Variants in EXT1 observed in about 807,000 individuals in gnomAD.
EXT1 encodes the protein exostosin glycosyltransferase 1.
In EXT1, 20 loss-of-function variants were observed where a neutral mutation model predicts 82.5. That is an observed-to-expected ratio of 0.24 (90% CI 0.17 to 0.35). The LOEUF (loss-of-function observed/expected upper bound fraction) is 0.35. EXT1 is among the 10% of genes least tolerant of loss of function. The probability of loss-of-function intolerance (pLI) is 1.00; values close to 1 mark genes in which losing one functional copy is unlikely to be tolerated. For synonymous variants in EXT1, 348 were observed against 350.8 expected (o/e 0.99, Z 0.09); for missense variants, 757 against 936.5 (o/e 0.81, Z 2.50).
chr8:117,889,551 A>C (rs768811488), intron 1 of EXT1, among the ~76,000 whole-genome samples: 1 of 152,172 alleles, frequency 6.6e-6, no homozygotes, highest in South Asian at 2.1e-4. Flanking sequence ...AGCCCAATAA[A>C]TCTTTGATGA....
rs569146417 is a variant in EXT1 at position 117,922,195 on chromosome 8, C to T, written c.963-84994G>A. The stretch of plus-strand genomic sequence containing the variant: ...CACCAGCCCTTAGAACTCACACTCC[C>T]AATTTCTAAATTCCCAAGTGTCTCC... On this transcript the variant is annotated intron_variant, in intron 1 of 10. Coordinates refer to ENST00000378204, the MANE Select transcript of EXT1 (RefSeq NM_000127.3). Among the ~76,000 whole-genome samples the T allele has an allele frequency of 2.0e-5, 3 of 152,218 alleles. No individual in the cohort carries two copies. The South Asian group carries it at 6.2e-4, about 32-fold the overall frequency.
chr8:117,874,531 G>A lies in EXT1; in HGVS notation c.963-37330C>T, dbSNP rs370703266. Among the ~76,000 whole-genome samples the A allele has an allele frequency of 1.6e-4, 21 of 134,160 alleles. No homozygotes were observed. The South Asian group carries it at 2.8e-3, about 18-fold the overall frequency. 88.0% of individuals were successfully genotyped at this position (134,160 alleles called of 152,430 possible). A position where few individuals can be genotyped will look rare whatever the true frequency, so the allele number is the denominator to read the frequency against. On this transcript the variant is annotated intron_variant, in intron 1 of 10. Transcript: ENST00000378204. ...GCGGAGGTTGCAGTGAGCTGAGATCGTGCCACTTCACTCCAGCCTAGGCAA... is the reference window on the plus strand; with the variant it reads ...GCGGAGGTTGCAGTGAGCTGAGATCATGCCACTTCACTCCAGCCTAGGCAA...
chr8:118,081,744 G>GC (rs1817334864), intron 1 of EXT1, among the ~76,000 whole-genome samples: 3 of 152,098 alleles, frequency 2.0e-5, no homozygotes, highest in Admixed American at 2.0e-4. Context: ...GCTTTTAATA[G>GC]CCCCATTTAA....
At chr8:117,896,987 G>C (rs1454830494) in intron 1 of EXT1, among the ~76,000 whole-genome samples, 2 of 152,044 alleles carry the variant, frequency 1.3e-5, no homozygotes, top group African/African-American at 4.8e-5. Context: ...CACTTGCTCA[G>C]CTTCCTCCCT....
intron 1 of EXT1, among the ~76,000 whole-genome samples, chr8:117,919,632 G>C (rs1037146091): frequency 7.9e-5 from 12 of 151,290 alleles, no homozygotes; most frequent in African/African-American, 2.9e-4. Flanking sequence ...ACCCTCCCAA[G>C]TAGCTAGGAC....
intron 1 of EXT1, among the ~76,000 whole-genome samples, chr8:117,950,818 T>C (rs775001405): frequency 2.6e-5 from 4 of 152,226 alleles, no homozygotes; most frequent in Non-Finnish European, 5.9e-5. Context: ...AACCAGGAGC[T>C]TTCTGTAACT....
intron 4 of EXT1, among the ~76,000 whole-genome samples, chr8:117,822,897 T>C (rs1172931025): frequency 1.3e-5 from 2 of 152,186 alleles, no homozygotes; most frequent in Admixed American, 1.3e-4. Flanking sequence ...AAATAGACTG[T>C]GTGGAGCAGT....
chr8:117,952,503 C>G (rs1202916631), intron 1 of EXT1, among the ~76,000 whole-genome samples: 1 of 152,182 alleles, frequency 6.6e-6, no homozygotes, highest in Non-Finnish European at 1.5e-5. Context: ...CGCAGTGTCT[C>G]ACACCTGTAA....
chr8:117,822,411 T>C, intron 5 of EXT1, 54 bp downstream of exon 5: 1 of 1,601,154 alleles, frequency 6.2e-7, no homozygotes, highest in East Asian at 2.2e-5. Flanking sequence ...CCTTTAGTTC[T>C]GTATGACATC....
intron 1 of EXT1, among the ~76,000 whole-genome samples, chr8:117,861,488 C>CTTTTTTTTTTTTTTTTTTTTTTTTTTT (rs755653091): frequency 1.2e-5 from 1 of 86,824 alleles, no homozygotes; most frequent in African/African-American, 4.3e-5. Context: ...AAGTTTTTAT[C>CTTTTTTTTTTTTTTTTTTTTTTTTTTT]TTTTTTTTTT....
chr8:117,980,192 C>T (rs1405268766), intron 1 of EXT1, among the ~76,000 whole-genome samples: 3 of 152,134 alleles, frequency 2.0e-5, no homozygotes, highest in East Asian at 3.9e-4. Context: ...ATGCCCATTC[C>T]CATTTTGCCT....
chr8:117,909,510 A>G (rs896421751), intron 1 of EXT1, among the ~76,000 whole-genome samples: 1 of 152,194 alleles, frequency 6.6e-6, no homozygotes, highest in South Asian at 2.1e-4. Flanking sequence ...AATTCAAAAA[A>G]TATGTATTTT....
intron 1 of EXT1, among the ~76,000 whole-genome samples, chr8:117,952,211 C>T (rs1003537989): frequency 9.2e-5 from 14 of 152,208 alleles, no homozygotes; most frequent in African/African-American, 3.4e-4. Flanking sequence ...CACATCACCA[C>T]ATTCTGTCTT....
At chr8:117,811,173 G>C (rs1262498520) in intron 8 of EXT1, among the ~76,000 whole-genome samples, 1 of 152,120 alleles carries the variant, frequency 6.6e-6, no homozygotes, top group Non-Finnish European at 1.5e-5. Flanking sequence ...TTGTTGCCAG[G>C]ACTCAGATGG....
chr8:117,821,782 T>C (rs1563571066), intron 5 of EXT1, among the ~76,000 whole-genome samples: 1 of 152,188 alleles, frequency 6.6e-6, no homozygotes. Flanking sequence ...TGATGGGAAA[T>C]GTTCATGATG....
At chr8:117,999,386 C>T (rs1815611842) in intron 1 of EXT1, among the ~76,000 whole-genome samples, 1 of 152,130 alleles carries the variant, frequency 6.6e-6, no homozygotes, top group Non-Finnish European at 1.5e-5. Flanking sequence ...AAAATGGTCC[C>T]AAGCCCTAAC....
intron 1 of EXT1, among the ~76,000 whole-genome samples, chr8:117,944,881 G>A (rs1042507231): frequency 4.6e-5 from 7 of 152,172 alleles, no homozygotes; most frequent in South Asian, 4.1e-4. Context: ...AGATCATCTC[G>A]GCCAGGCGCG....
chr8:118,040,514 T>C (rs1046551681), intron 1 of EXT1, among the ~76,000 whole-genome samples: 1 of 152,206 alleles, frequency 6.6e-6, no homozygotes, highest in Non-Finnish European at 1.5e-5. Context: ...GGACATTTCC[T>C]TTGTGCTTCC....
chr8:117,881,275 A>G (rs1314402013), intron 1 of EXT1, among the ~76,000 whole-genome samples: 1 of 152,258 alleles, frequency 6.6e-6, no homozygotes, highest in Admixed American at 6.5e-5. Flanking sequence ...GGTGAGGCCT[A>G]CAAAGCCTAA....
Sources: gnomAD v4.1 joint callset for allele counts (sites outside exome capture counted in the v4.1 genomes callset) on GRCh38, gnomAD v4.1.1 for gene constraint, MANE v1.5 for transcripts, NCBI Gene and HGNC (gene_info 2026-07-23, HGNC 2026-07-21) for gene names.